CFAP57: variants seen among roughly 807,000 people sequenced by gnomAD.
CFAP57 encodes cilia- and flagella-associated protein 57.
CFAP57 carries 116 observed loss-of-function variants against 146.8 expected under a neutral mutation model. The observed-to-expected ratio is 0.79, with a 90% confidence interval of 0.68 to 0.92. The LOEUF (loss-of-function observed/expected upper bound fraction) is 0.92. Among genes scored for constraint, CFAP57 ranks in the 40% least tolerant of loss-of-function variants. The pLI is 0.00. For missense variants in CFAP57, 1,377 were observed against 1,527.2 expected (o/e 0.90, Z 1.64); for synonymous variants, 518 against 552.8 (o/e 0.94, Z 0.88).
chr1:43,183,760 C>T lies in CFAP57; in HGVS notation c.644C>T (p.Thr215Ile). The change falls in exon 4 of 23, where the codon ACT (threonine) becomes ATT (isoleucine). Residue 215 changes from threonine (T) to isoleucine (I), a missense_variant. Thr to Ile is a moderately conservative substitution (Grantham distance 89, BLOSUM62 -1). Coordinates refer to ENST00000372492, the MANE Select transcript of CFAP57 (RefSeq NM_001378189.1). The stretch of plus-strand genomic sequence containing the variant: ...GCTGATGACAAGATTGTCGTTGGCA[C>T]TGACACAGGCAAACTCTTCCTCTTT... ...WVADDKIVVG[T>I]DTGKLFLFES... 1 of 1,614,208 alleles carries T rather than the reference C, an allele frequency of 6.2e-7. No homozygotes were observed. The highest frequency in any genetic ancestry group is 8.5e-7 in the Non-Finnish European group (1 of 1,180,032).
intron 19 of CFAP57, among the ~76,000 whole-genome samples, 159 bp from the exon 20 acceptor site, chr1:43,234,120 C>T (rs7531285): frequency 0.063 from 9,520 of 152,008 alleles, 582 homozygotes; most frequent in South Asian, 0.17. Flanking sequence ...GCTGTGTGCC[C>T]GTCTAAGTTT....
At chr1:43,208,850 G>GCATGAA (rs137912695) in intron 10 of CFAP57, among the ~76,000 whole-genome samples, 10,372 of 152,048 alleles carry the variant, frequency 0.068, 694 homozygotes, top group East Asian at 0.28. Flanking sequence ...GTGAATGAGT[G>GCATGAA]CATGAATGAG....
At chr1:43,192,233 A>G (rs1643580519) in intron 6 of CFAP57, among the ~76,000 whole-genome samples, 1 of 152,190 alleles carries the variant, frequency 6.6e-6, no homozygotes, top group South Asian at 2.1e-4. Flanking sequence ...TGGGTGTTCT[A>G]TATACGTCTG....
At chr1:43,193,350 A>G (rs1643663838) in intron 6 of CFAP57, among the ~76,000 whole-genome samples, 2 of 152,116 alleles carry the variant, frequency 1.3e-5, no homozygotes, top group Admixed American at 1.3e-4. Context: ...ATCAGTTCAC[A>G]TTTAATGTTA....
chr1:43,223,467 T>C (rs1645129363), intron 16 of CFAP57, among the ~76,000 whole-genome samples: 1 of 152,156 alleles, frequency 6.6e-6, no homozygotes, highest in Non-Finnish European at 1.5e-5. Context: ...TGTAGGATGC[T>C]TAGTTTACAA....
chr1:43,199,772 A>T (rs1440988141), intron 9 of CFAP57, among the ~76,000 whole-genome samples: 2 of 152,206 alleles, frequency 1.3e-5, no homozygotes, highest in African/African-American at 2.4e-5. Context: ...TTGGTCCTAT[A>T]AGAGTGAGTA....
chr1:43,197,286 G>A (rs555349683), intron 6 of CFAP57, among the ~76,000 whole-genome samples: 1 of 152,310 alleles, frequency 6.6e-6, no homozygotes, highest in Non-Finnish European at 1.5e-5. Context: ...GAACCCGGGA[G>A]GCGGAGCTTG....
intron 3 of CFAP57, among the ~76,000 whole-genome samples, chr1:43,182,648 G>A (rs905223027): frequency 6.6e-6 from 1 of 152,170 alleles, no homozygotes; most frequent in Non-Finnish European, 1.5e-5. Context: ...AGGCTGCTGG[G>A]TGATTATTCC....
At chr1:43,243,095 A>T (rs190061920) in intron 21 of CFAP57, 132 bp from the exon 22 acceptor site, 1 of 1,101,302 alleles carries the variant, frequency 9.1e-7, no homozygotes, top group Non-Finnish European at 1.2e-6. Flanking sequence ...TCAGGCCCCA[A>T]TAGAGGATCC....
intron 8 of CFAP57, 32 bp from the exon 9 acceptor site, chr1:43,199,358 C>A (rs1177067373): frequency 3.4e-5 from 54 of 1,602,616 alleles, no homozygotes; most frequent in Non-Finnish European, 4.5e-5. Context: ...TCACTTCCTG[C>A]TTGCTTGCTC....
intron 17 of CFAP57, among the ~76,000 whole-genome samples, chr1:43,225,552 T>G (rs1645213613): frequency 6.6e-6 from 1 of 152,170 alleles, no homozygotes. Context: ...TCCCCCAACA[T>G]GAAGACCCTC....
intron 11 of CFAP57, among the ~76,000 whole-genome samples, chr1:43,214,415 A>C (rs1447345765): frequency 6.6e-6 from 1 of 152,194 alleles, no homozygotes; most frequent in Admixed American, 6.5e-5. Flanking sequence ...TAAATCTTCA[A>C]ATCCATCCAA....
In CFAP57 at chr1:43,254,350, T is replaced by G; in HGVS notation, c.*159T>G. 1.6e-6 allele frequency: 1 copy of G among 644,928 alleles called. No individual in the cohort carries two copies. The highest frequency in any genetic ancestry group is 2.6e-6 in the Non-Finnish European group (1 of 387,066). 40.0% of individuals were successfully genotyped at this position (644,928 alleles called of 1,614,324 possible). Reference sequence around the variant, plus strand: ...AATTTGGGACACAGAATAAAGGTGTTTGCCCACACCTTGTCTAACTTCTGC... The same window carrying G: ...AATTTGGGACACAGAATAAAGGTGTGTGCCCACACCTTGTCTAACTTCTGC... On this transcript the variant is annotated 3_prime_UTR_variant, in exon 23 of 23. Transcript: ENST00000372492.
rs1646384758 is a variant in CFAP57, at chr1:43,254,106, AGGTCACAG to A, written c.3672_3679del (p.Thr1225ProfsTer75). The A allele has an allele frequency of 5.8e-6, 9 of 1,550,730 alleles. No homozygotes were observed. The East Asian group carries it at 2.2e-4, about 38-fold the overall frequency. On this transcript the variant is annotated frameshift_variant, in exon 23 of 23. Transcript: ENST00000372492. LOFTEE classifies it low-confidence loss of function (END_TRUNC). ...AGAGACCAGATCCAAGAGCAAGAGC[AGGTCACAG>A]GGTTCCACACCCTCGCTGGAGTTCG...
chr1:43,183,510 A>C, intron 3 of CFAP57, 81 bp from the exon 4 acceptor site: 2 of 1,301,518 alleles, frequency 1.5e-6, no homozygotes, highest in South Asian at 1.2e-5. Context: ...CCTGAAATAA[A>C]TATTAATTTG....
chr1:43,216,838 G>T (rs2124534090), intron 12 of CFAP57, among the ~76,000 whole-genome samples: 1 of 152,282 alleles, frequency 6.6e-6, no homozygotes, highest in South Asian at 2.1e-4. Context: ...TTTACAGAGG[G>T]GTCTGCTGTG....
intron 18 of CFAP57, chr1:43,232,024 G>A: frequency 1.4e-6 from 1 of 691,770 alleles, no homozygotes; most frequent in Non-Finnish European, 2.6e-6. Flanking sequence ...GCCTTAGATG[G>A]GTGGTGCCCA....
chr1:43,226,694 G>A (rs1225373364), intron 17 of CFAP57, among the ~76,000 whole-genome samples: 4 of 152,256 alleles, frequency 2.6e-5, no homozygotes, highest in African/African-American at 7.2e-5. Flanking sequence ...AACAGCTGGA[G>A]TGTGGGGCGG....
At chr1:43,182,889 T>C (rs1400285817) in intron 3 of CFAP57, among the ~76,000 whole-genome samples, 1 of 152,232 alleles carries the variant, frequency 6.6e-6, no homozygotes, top group African/African-American at 2.4e-5. Context: ...GTCCCCAACT[T>C]ACTATGGTTC....
Sources: allele counts gnomAD v4.1 joint callset (sites outside exome capture counted in the v4.1 genomes callset), GRCh38; gene constraint gnomAD v4.1.1; transcripts MANE v1.5; gene names NCBI Gene and HGNC (gene_info 2026-07-23, HGNC 2026-07-21).